PLCH1: variants seen among roughly 807,000 people sequenced by gnomAD.
PLCH1 encodes the protein phospholipase C eta 1.
A neutral mutation model predicts 126.7 loss-of-function variants in PLCH1; 60 were observed. The observed-to-expected ratio is 0.47, with a 90% CI of 0.38 to 0.59. The LOEUF (loss-of-function observed/expected upper bound fraction) is 0.59. Ranked by LOEUF, PLCH1 falls within the 20% of genes least tolerant of loss-of-function variation. The pLI, the probability that PLCH1 is intolerant of heterozygous loss-of-function variation, is 0.00. For synonymous variants in PLCH1, 719 were observed against 734.9 expected (o/e 0.98, Z 0.35); for missense variants, 1,723 against 2,040.0 (o/e 0.84, Z 2.99).
intron 2 of PLCH1, among the ~76,000 whole-genome samples, chr3:155,690,388 C>G (rs924941631): frequency 2.6e-5 from 4 of 152,202 alleles, no homozygotes; most frequent in African/African-American, 4.8e-5. Context: ...CATAGAGTAT[C>G]TAGCATAATG....
chr3:155,648,796 G>A (rs1372624848), intron 2 of PLCH1, among the ~76,000 whole-genome samples: 2 of 152,232 alleles, frequency 1.3e-5, no homozygotes, highest in African/African-American at 4.8e-5. Flanking sequence ...AGGCTTGGCT[G>A]TCAGAGAAGG....
chr3:155,470,072 T>G (rs1434459588), intron 21 of PLCH1, among the ~76,000 whole-genome samples: 4 of 152,140 alleles, frequency 2.6e-5, no homozygotes. Flanking sequence ...CAAAGCTGGA[T>G]GGAGAATGAC....
Position 155,540,228 on chromosome 3 carries a change from C to CA in PLCH1, c.1362+9558dup, listed in dbSNP as rs528439149. On this transcript the variant is annotated intron_variant, in intron 10 of 22. Transcript: ENST00000460012. ...CTGGATCCTCATCTCTCACCTTCTA[C>CA]AAAAATCAACTCAAGATGGATCTGA... 1.7e-3 allele frequency among the ~76,000 whole-genome samples: 255 copies of CA among 152,282 alleles called. 1 individual carries two copies. Among genetic ancestry groups the CA allele is most frequent in the African/African-American group, 5.5e-3 (228 of 41,574 alleles).
In PLCH1 at chr3:155,485,449, C is replaced by G; in HGVS notation, c.2881G>C (p.Val961Leu). 1 of 1,614,092 alleles carries G rather than the reference C, an allele frequency of 6.2e-7. No homozygotes were observed. The highest frequency in any genetic ancestry group is 2.2e-5 in the East Asian group (1 of 44,870). ...AGGTTTCTGTCAACAGGCATAGAGA[C>G]AGGGCGTGCTTGCAAACTGCGTGTG... ...RTTRSLQARPVSMPVDRNLLG... is the reference protein window; with the variant it reads ...RTTRSLQARPLSMPVDRNLLG... The change falls in exon 22 of 23, where the codon GTC (valine) becomes CTC (leucine). Residue 961 changes from valine (V) to leucine (L), a missense_variant. By Grantham distance (32) the Val-to-Leu change is conservative. This residue lies in a region of PLCH1 where 947 missense variants were observed against 977.1 expected (regional missense o/e 0.97). Coordinates refer to ENST00000460012, the MANE Select transcript of PLCH1 (RefSeq NM_014996.4).
At chr3:155,719,942 T>C (rs999351104) in intron 1 of PLCH1, among the ~76,000 whole-genome samples, 1 of 152,050 alleles carries the variant, frequency 6.6e-6, no homozygotes, top group Non-Finnish European at 1.5e-5. Context: ...ATTACAGTCA[T>C]GCGCCACCAT....
downstream of PLCH1, among the ~76,000 whole-genome samples, chr3:155,475,156 T>A (rs1458555071): frequency 6.6e-6 from 1 of 150,684 alleles, no homozygotes; most frequent in African/African-American, 2.4e-5. Flanking sequence ...AAATTAATAA[T>A]GAGAAATTTT....
At chr3:155,688,582 C>T (rs956602004) in intron 2 of PLCH1, among the ~76,000 whole-genome samples, 1 of 152,194 alleles carries the variant, frequency 6.6e-6, no homozygotes, top group Non-Finnish European at 1.5e-5. Flanking sequence ...AGAGCAAAAA[C>T]CAGGTTCTTA....
intron 12 of PLCH1, among the ~76,000 whole-genome samples, chr3:155,513,454 A>G (rs935240137): frequency 2.0e-5 from 3 of 152,126 alleles, no homozygotes; most frequent in Admixed American, 2.0e-4. Flanking sequence ...AATGAGAATA[A>G]TCTAGGATGG....
chr3:155,483,018 G>C lies in PLCH1; in HGVS notation c.3008C>G (p.Ala1003Gly). 1 of 1,613,602 alleles carries C rather than the reference G, an allele frequency of 6.2e-7. No individual in the cohort carries two copies. The highest frequency in any genetic ancestry group is 1.3e-5 in the African/African-American group (1 of 75,034). The change falls in exon 23 of 23, where the codon GCA becomes GGA. Residue 1003 changes from alanine to glycine, a missense_variant. Coordinates refer to ENST00000460012, the MANE Select transcript of PLCH1 (RefSeq NM_014996.4). ...TAGAAAATGTGGATCTTTTATACTT[G>C]CTTTCCCTTTTCTTCTGCCATCTTT... The part of the protein sequence containing the change: ...EDKDGRRKGK[A>G]SIKDPHFLNF...
rs767326862 is a variant in PLCH1, at chr3:155,564,997, G to A, written c.987C>T (p.Tyr329=). The A allele has an allele frequency of 6.2e-7, 1 of 1,613,620 alleles. No individual in the cohort carries two copies. The highest frequency in any genetic ancestry group is 2.2e-5 in the East Asian group (1 of 44,878). ...GAGAAAGGAGCTGGTCTCCAGTCAG[G>A]TATGTATTGTGAGAGGAAGCAATGT... ...NYYIASSHNT[Y]LTGDQLLSQS... is the part of the protein sequence containing the mutation. The change falls in exon 8 of 23, where the codon TAC becomes TAT. Residue 329 remains tyrosine (Y), a synonymous_variant. Transcript: ENST00000460012.
rs1266858157 is a variant in PLCH1 at position 155,594,079 on chromosome 3, T to C, written c.332A>G (p.His111Arg). The C allele has an allele frequency of 2.5e-6, 4 of 1,613,866 alleles. No homozygotes were observed. Among genetic ancestry groups the C allele is most frequent in the Non-Finnish European group, 3.4e-6 (4 of 1,179,996 alleles). ...GTCCAGGGACTCCATGTGGTTGCCA[T>C]GGTAGATGGTGAAGCAGCAGCTGGG... ...FDPSCCFTIY[H>R]GNHMESLDLI... The change falls in exon 4 of 23, where the codon CAT (histidine) becomes CGT (arginine). Residue 111 changes from histidine to arginine, a missense_variant. Coordinates refer to ENST00000460012, the MANE Select transcript of PLCH1 (RefSeq NM_014996.4).
intron 6 of PLCH1, among the ~76,000 whole-genome samples, chr3:155,581,463 G>A (rs1730666136): frequency 6.6e-6 from 1 of 152,126 alleles, no homozygotes; most frequent in South Asian, 2.1e-4. Flanking sequence ...ATATTATTTG[G>A]CAATAAGAAG....
chr3:155,635,830 T>C (rs1042176315), intron 2 of PLCH1, among the ~76,000 whole-genome samples: 20 of 152,362 alleles, frequency 1.3e-4, no homozygotes, highest in African/African-American at 4.8e-4. Context: ...GATTGCAAAT[T>C]ACTGTTTAGA....
Position 155,594,047 on chromosome 3 carries a change from T to C in PLCH1, c.364A>G (p.Thr122Ala), listed in dbSNP as rs760801207. 1 of 1,613,734 alleles carries C rather than the reference T, an allele frequency of 6.2e-7. No homozygotes were observed. Among genetic ancestry groups the C allele is most frequent in the South Asian group, 1.1e-5 (1 of 91,046 alleles). The change falls in exon 4 of 23, where the codon ACC (threonine) becomes GCC (alanine). Residue 122 changes from threonine (T) to alanine (A), a missense_variant. Thr to Ala is a moderately conservative substitution (Grantham distance 58). Around this residue, in one of 2 missense-constraint regions of PLCH1, gnomAD observed 776 missense variants for 1,062.9 expected, o/e 0.73. Coordinates refer to ENST00000460012, the MANE Select transcript of PLCH1 (RefSeq NM_014996.4). ...GTGCGGGCCTCCTCGGGGTTGGAGG[T>C]GATGAGGTCCAGGGACTCCATGTGG... The part of the protein sequence containing the change: ...GNHMESLDLI[T>A]SNPEEARTWI...
At chr3:155,704,095 GT>G (rs1019625210) in intron 2 of PLCH1, 50 bp downstream of exon 2, 1 of 811,244 alleles carries the variant, frequency 1.2e-6, no homozygotes, top group Non-Finnish European at 1.7e-6. Flanking sequence ...TAAAAGTCCT[GT>G]CAGAAACAAA....
intron 2 of PLCH1, among the ~76,000 whole-genome samples, chr3:155,626,023 T>C (rs1019226444): frequency 6.6e-6 from 1 of 152,172 alleles, no homozygotes; most frequent in Non-Finnish European, 1.5e-5. Flanking sequence ...GTGGCACATA[T>C]ACAGCATGGA....
chr3:155,627,582 C>G (rs1235003836), intron 2 of PLCH1, among the ~76,000 whole-genome samples: 1 of 150,204 alleles, frequency 6.7e-6, no homozygotes, highest in Non-Finnish European at 1.5e-5. Flanking sequence ...TGCAGTGAGC[C>G]GAGATTGTGC....
Position 155,560,404 on chromosome 3 carries a change from A to G in PLCH1, c.1069+4511T>C, listed in dbSNP as rs959300414. ...GCTTGAAAGGATTTTCTTCCTCTTA[A>G]TATTTTATAGCATCTTCATTATTCA... On this transcript the variant is annotated intron_variant, in intron 8 of 22. Coordinates refer to ENST00000460012, the MANE Select transcript of PLCH1 (RefSeq NM_014996.4). Among the ~76,000 whole-genome samples, 5 of 152,244 alleles carry G rather than the reference A, an allele frequency of 3.3e-5. No homozygotes were observed. The East Asian group carries it at 7.7e-4, about 24-fold the overall frequency.
intron 8 of PLCH1, among the ~76,000 whole-genome samples, chr3:155,556,989 G>A (rs548038735): frequency 1.9e-4 from 29 of 152,162 alleles, no homozygotes; most frequent in African/African-American, 6.7e-4. Context: ...GAAAAAAATA[G>A]AAAAAATAAA....
Sources: gnomAD v4.1 joint callset for allele counts (sites outside exome capture counted in the v4.1 genomes callset) on GRCh38, gnomAD v4.1.1 for gene constraint, gnomAD v4.1.1 regional missense constraint, MANE v1.5 for transcripts, NCBI Gene and HGNC (gene_info 2026-07-23, HGNC 2026-07-21) for gene names.